KRT31: variants seen among roughly 807,000 people sequenced by gnomAD.
KRT31 encodes keratin, type I cuticular Ha1.
A neutral mutation model predicts 40.8 loss-of-function variants in KRT31; 27 were observed. The ratio of observed to expected loss-of-function variants is 0.66; its 90% CI spans 0.49 to 0.91. The LOEUF is 0.91. Among genes scored for constraint, KRT31 ranks in the 40% least tolerant of loss-of-function variants. The pLI, the probability that KRT31 is intolerant of heterozygous loss-of-function variation, is 0.00. For missense variants in KRT31, 510 were observed against 544.1 expected, an observed-to-expected ratio of 0.94 and a Z score of 0.62; for synonymous variants, 231 against 231.9, an observed-to-expected ratio of 1.00 and a Z score of 0.03.
At chr17:41,395,737 TGGA>T in intron 3 of KRT31, 114 bp from the exon 4 acceptor site, 1 of 1,284,528 alleles carries the variant, frequency 7.8e-7, no homozygotes, top group Non-Finnish European at 1.1e-6. Flanking sequence ...AAACTTTGAG[TGGA>T]GCAGTTTGTG....
chr17:41,395,726 G>T, intron 3 of KRT31, 103 bp from the exon 4 acceptor site: 3 of 1,372,024 alleles, frequency 2.2e-6, no homozygotes, highest in Non-Finnish European at 3.0e-6. Context: ...TCTCGGAAAA[G>T]AAACTTTGAG....
Position 41,394,123 on chromosome 17 carries a change from T to G in KRT31, c.1144A>C (p.Ile382Leu). 1.2e-6 allele frequency: 2 copies of G among 1,612,504 alleles called. No homozygotes were observed. ...CATTNACSKPIGPCLSNPCTS... is the reference protein window; with the variant it reads ...CATTNACSKPLGPCLSNPCTS... ...CAGGGATTGGAGAGACAGGGTCCGATGGGCTTGCTGCACGCGTTGGTCGTG... is the reference window on the plus strand; with the variant it reads ...CAGGGATTGGAGAGACAGGGTCCGAGGGGCTTGCTGCACGCGTTGGTCGTG... Residue 382 changes from isoleucine (I) to leucine (L), a missense_variant, in exon 7 of 7, where the codon ATC (isoleucine) becomes CTC (leucine). Physicochemically the swap from Ile to Leu is conservative, Grantham distance 5. Coordinates refer to ENST00000251645, the MANE Select transcript of KRT31 (RefSeq NM_002277.3).
In KRT31 at chr17:41,393,744, T is replaced by G; in HGVS notation, c.*272A>C. The G allele has an allele frequency of 2.2e-6, 1 of 457,524 alleles. No homozygotes were observed. The highest frequency in any genetic ancestry group is 3.8e-6 in the Non-Finnish European group (1 of 262,296). 28.3% of individuals were successfully genotyped at this position (457,524 alleles called of 1,614,324 possible). On this transcript the variant is annotated 3_prime_UTR_variant, in exon 7 of 7. Coordinates refer to ENST00000251645, the MANE Select transcript of KRT31 (RefSeq NM_002277.3). ...TCTGCTTTGCCAAGGAAATGATATT[T>G]ATTAGGAGGTTAAAAGGGAGGCCCA...
At chr17:41,394,500 C>A (rs541291482) in intron 6 of KRT31, among the ~76,000 whole-genome samples, 4 of 152,284 alleles carry the variant, frequency 2.6e-5, no homozygotes, top group Admixed American at 1.3e-4. Context: ...ATCCAGCCCA[C>A]CTGGTGGTAA....
rs542325421 is a variant in KRT31, at chr17:41,393,898, C to T, written c.*118G>A. ...TTGGGTGAGTTTCTTGGCTGCCTTACGCGGGCAACTCCAGCCATGCAAATG... is the reference window on the plus strand; with the variant it reads ...TTGGGTGAGTTTCTTGGCTGCCTTATGCGGGCAACTCCAGCCATGCAAATG... On this transcript the variant is annotated 3_prime_UTR_variant, in exon 7 of 7. Coordinates refer to ENST00000251645, the MANE Select transcript of KRT31 (RefSeq NM_002277.3). 8.0e-5 allele frequency: 93 copies of T among 1,159,342 alleles called. No individual in the cohort carries two copies. The highest frequency in any genetic ancestry group is 7.0e-4 in the East Asian group (27 of 38,430). The allele number at this position is 1,159,342 out of a possible 1,614,324, so 71.8% of individuals were successfully genotyped here. A position where few individuals can be genotyped will look rare whatever the true frequency, so the allele number is the denominator to read the frequency against.
chr17:41,395,764 C>T (rs1469594138), intron 3 of KRT31, 141 bp from the exon 4 acceptor site: 13 of 960,580 alleles, frequency 1.4e-5, no homozygotes, highest in South Asian at 1.3e-4. Context: ...GCTCAAGGCA[C>T]TCCATGTGGC....
chr17:41,396,033 C>G (rs2018219894), intron 3 of KRT31, among the ~76,000 whole-genome samples: 1 of 151,686 alleles, frequency 6.6e-6, no homozygotes, highest in Non-Finnish European at 1.5e-5. Flanking sequence ...CTCACAAACA[C>G]TCTTCACCAA....
chr17:41,397,559 G>C lies in KRT31; in HGVS notation c.-20C>G, dbSNP rs6503629. The C allele has an allele frequency of 1.3e-6, 2 of 1,505,986 alleles. No individual in the cohort carries two copies. Among genetic ancestry groups the C allele is most frequent in the African/African-American group, 1.4e-5 (1 of 72,282 alleles). 93.3% of individuals were successfully genotyped at this position (1,505,986 alleles called of 1,614,324 possible). A position where few individuals can be genotyped will look rare whatever the true frequency, so the allele number is the denominator to read the frequency against. ...GGGCATAGTGCTGGGAGGGAGGGAG[G>C]GAGTGCCTGGCTGAAGACAGAGTCT... On this transcript the variant is annotated 5_prime_UTR_variant, in exon 1 of 7. Transcript: ENST00000251645.
rs2018218498 is a variant in KRT31, at chr17:41,395,927, A to G, written c.589-304T>C. Among the ~76,000 whole-genome samples, 2 of 152,236 alleles carry G rather than the reference A, an allele frequency of 1.3e-5. 1 individual carries two copies. Among genetic ancestry groups the G allele is most frequent in the South Asian group, 4.1e-4 (2 of 4,834 alleles). ...TGAGGACCTCAGAATGCCAAAAAAA[A>G]TAGGCTGTGCAATTTCAGACCATAT... On this transcript the variant is annotated intron_variant, in intron 3 of 6. Coordinates refer to ENST00000251645, the MANE Select transcript of KRT31 (RefSeq NM_002277.3).
intron 6 of KRT31, 146 bp downstream of exon 6, chr17:41,394,702 G>T: frequency 7.2e-7 from 1 of 1,395,618 alleles, no homozygotes; most frequent in Non-Finnish European, 9.6e-7. Context: ...TTAAATGATG[G>T]CCATATTATG....
chr17:41,396,824 G>A, intron 2 of KRT31, 89 bp downstream of exon 2: 3 of 1,231,468 alleles, frequency 2.4e-6, no homozygotes, highest in Non-Finnish European at 3.6e-6. Flanking sequence ...TTCACAACAA[G>A]TGGGTAGATC....
Position 41,397,240 on chromosome 17 carries a change from G to A in KRT31, c.300C>T (p.Cys100=), listed in dbSNP as rs755982013. 29 of 1,614,068 alleles carry A rather than the reference G, an allele frequency of 1.8e-5. No individual in the cohort carries two copies. Among genetic ancestry groups the A allele is most frequent in the South Asian group, 5.5e-5 (5 of 91,074 alleles). The part of the protein sequence containing the change: ...ERSQQQEPLL[C]PSYQSYFKTI... ...TCTTAAAATAGGACTGGTAACTGGG[G>A]CACAGCAAGGGCTCCTGCTGCTGAG... The change falls in exon 1 of 7, where the codon TGC becomes TGT. Residue 100 remains cysteine (C), a synonymous_variant. Coordinates refer to ENST00000251645, the MANE Select transcript of KRT31 (RefSeq NM_002277.3).
intron 2 of KRT31, 24 bp from the exon 3 acceptor site, chr17:41,396,600 A>T: frequency 6.2e-7 from 1 of 1,602,146 alleles, no homozygotes; most frequent in Non-Finnish European, 8.5e-7. Flanking sequence ...GGGTCAGAGT[A>T]CTACCTGGTA....
In KRT31 at chr17:41,393,985, G is replaced by T; in HGVS notation, c.*31C>A. ...TCACAGCTCTGGAGTCCTGGGCCCTGCATCCTTGCTCCTCTGGCATTCCCT... is the reference window on the plus strand; with the variant it reads ...TCACAGCTCTGGAGTCCTGGGCCCTTCATCCTTGCTCCTCTGGCATTCCCT... On this transcript the variant is annotated 3_prime_UTR_variant, in exon 7 of 7. Coordinates refer to ENST00000251645, the MANE Select transcript of KRT31 (RefSeq NM_002277.3). 6.2e-7 allele frequency: 1 copy of T among 1,607,832 alleles called. No individual in the cohort carries two copies. The highest frequency in any genetic ancestry group is 8.5e-7 in the Non-Finnish European group (1 of 1,178,338).
At position 41,395,384 on chromosome 17, in the gene KRT31, G is replaced by A. The variant is rs2018206401; in HGVS notation, c.751-14C>T. 1.9e-6 allele frequency: 3 copies of A among 1,614,070 alleles called. No homozygotes were observed. Among genetic ancestry groups the A allele is most frequent in the Non-Finnish European group, 8.5e-7 (1 of 1,180,030 alleles). On this transcript the variant is annotated splice_polypyrimidine_tract_variant and intron_variant, in intron 4 of 6. Transcript: ENST00000251645. ...CAGCTCCTCGGTCTGAAACACCCAAGGGGAGAAAGGATCAGACCCTGCCTC... is the reference window on the plus strand; with the variant it reads ...CAGCTCCTCGGTCTGAAACACCCAAAGGGAGAAAGGATCAGACCCTGCCTC...
rs767018121 is a variant in KRT31 at position 41,396,435 on chromosome 17, C to G, written c.573G>C (p.Lys191Asn). 1.9e-6 allele frequency: 3 copies of G among 1,613,948 alleles called. No homozygotes were observed. In the African/African-American group the frequency reaches 4.0e-5, roughly 22 times the overall value. Residue 191 changes from lysine (K) to asparagine (N), a missense_variant, in exon 3 of 7, where the codon AAG becomes AAC. Lys to Asn is a moderately conservative substitution (Grantham distance 94). Coordinates refer to ENST00000251645, the MANE Select transcript of KRT31 (RefSeq NM_002277.3). ...CTAGTCTCACCTGCTCATGGTTGCT[C>G]TTGAGGCAGAGCAGCTCCTCCTTCA... ...ESLKEELLCL[K>N]SNHEQEVNTL...
chr17:41,394,808 C>T (rs745544228), intron 6 of KRT31, 40 bp downstream of exon 6: 9 of 1,611,038 alleles, frequency 5.6e-6, no homozygotes, highest in Admixed American at 5.0e-5. Flanking sequence ...TACACTCACA[C>T]GTGCATCATT....
intron 3 of KRT31, among the ~76,000 whole-genome samples, chr17:41,395,872 T>C (rs2018217741): frequency 2.0e-5 from 3 of 152,262 alleles, no homozygotes; most frequent in South Asian, 4.1e-4. Context: ...AACTAATTGA[T>C]ATTCAACTTT....
Position 41,395,039 on chromosome 17 carries a change from C to G in KRT31, c.906G>C (p.Glu302Asp), listed in dbSNP as rs558246350. ...LRDSLENTLT[E>D]SEARYSSQLS... The stretch of plus-strand genomic sequence containing the variant: ...GCTGGGAGCTGTAGCGGGCCTCACT[C>G]TCTGTCAGCGTGTTTTCCAGAGAGT... Residue 302 changes from glutamate to aspartate, a missense_variant, in exon 6 of 7, where the codon GAG becomes GAC. Physicochemically the swap from Glu to Asp is conservative, Grantham distance 45. Transcript: ENST00000251645. 1.5e-5 allele frequency: 25 copies of G among 1,614,134 alleles called. No homozygotes were observed. Among genetic ancestry groups the G allele is most frequent in the Non-Finnish European group, 2.1e-5 (25 of 1,180,064 alleles).
Sources: gnomAD v4.1 joint callset for allele counts (sites outside exome capture counted in the v4.1 genomes callset) on GRCh38, gnomAD v4.1.1 for gene constraint, MANE v1.5 for transcripts, NCBI Gene and HGNC (gene_info 2026-07-23, HGNC 2026-07-21) for gene names.